The following ITFG2 variants were observed in gnomAD, a reference collection of about 807,000 sequenced individuals.
ITFG2 encodes the protein integrin alpha FG-GAP repeat containing 2.
Under a neutral mutation model 54.4 loss-of-function variants are expected in ITFG2, and 36 were observed. The observed-to-expected ratio is 0.66, with a 90% CI of 0.51 to 0.87. The LOEUF is 0.87. Ranked by LOEUF, ITFG2 falls within the 40% of genes least tolerant of loss-of-function variation. ITFG2 has a pLI of 0.00. For synonymous variants in ITFG2, 211 were observed against 225.4 expected (o/e 0.94, Z 0.57); for missense variants, 524 against 576.7 (o/e 0.91, Z 0.94).
At chr12:2,831,001 C>T (rs2097999932), downstream of ITFG2, 2 of 738,944 alleles carry the variant, frequency 2.7e-6, no homozygotes, top group Non-Finnish European at 2.1e-6. Flanking sequence ...ACCCTAGGGT[C>T]CCAGATAATG....
At position 2,824,524 on chromosome 12, in the gene ITFG2, G is replaced by A. The variant is rs2097957763; in HGVS notation, c.*331G>A. On this transcript the variant is annotated 3_prime_UTR_variant, in exon 12 of 12. Coordinates refer to ENST00000228799, the MANE Select transcript of ITFG2 (RefSeq NM_018463.4). ...CTGTGTTGAAAACAGAGACTTGTTT[G>A]TGTGGCCCCAACACCCATAAGGAAA... The A allele has an allele frequency of 1.4e-5, 5 of 368,364 alleles. No individual in the cohort carries two copies. Among genetic ancestry groups the A allele is most frequent in the Non-Finnish European group, 2.6e-5 (5 of 191,528 alleles). 22.8% of individuals were successfully genotyped at this position (368,364 alleles called of 1,614,324 possible). A position where few individuals can be genotyped will look rare whatever the true frequency, so the allele number is the denominator to read the frequency against.
Position 2,850,735 on chromosome 12 carries a change from C to T in ITFG2, n.301-7277C>T, listed in dbSNP as rs528130326. On this transcript the variant is annotated intron_variant and non_coding_transcript_variant, in intron 2 of 3. Transcript: ENST00000537710. ...TTGCCCAGGCCGGAGTGCAGTGGCA[C>T]GATCTTGGCTCACTGCAACCTCCAT... Among the ~76,000 whole-genome samples, 218 of 151,466 alleles carry T rather than the reference C, an allele frequency of 1.4e-3. 1 individual carries two copies. Among genetic ancestry groups the T allele is most frequent in the Admixed American group, 2.2e-3 (33 of 15,218 alleles).
intron 9 of ITFG2, 111 bp downstream of exon 9, chr12:2,821,903 T>G: frequency 2.6e-6 from 2 of 775,340 alleles, no homozygotes; most frequent in East Asian, 5.1e-5. Flanking sequence ...AACCTTTATC[T>G]TTAGTCTCTG....
intron 1 of ITFG2, 114 bp downstream of exon 1, chr12:2,812,970 A>C (rs1388205959): frequency 4.7e-6 from 4 of 849,756 alleles, no homozygotes; most frequent in East Asian, 2.5e-5. Context: ...CGCTGTGGCT[A>C]GTTTGGAGCG....
intron 2 of ITFG2, among the ~76,000 whole-genome samples, chr12:2,855,690 T>A (rs905974822): frequency 1.3e-5 from 2 of 152,184 alleles, no homozygotes; most frequent in African/African-American, 4.8e-5. Flanking sequence ...TATTTTGGCT[T>A]TGACTTCCCA....
At chr12:2,830,928 C>A (rs1603484299), downstream of ITFG2, 1 of 1,544,198 alleles carries the variant, frequency 6.5e-7, no homozygotes, top group Admixed American at 1.8e-5. Flanking sequence ...CTCAGTTACC[C>A]CACTTAGATA....
chr12:2,817,384 G>A, intron 2 of ITFG2, 66 bp downstream of exon 2: 2 of 1,156,920 alleles, frequency 1.7e-6, no homozygotes, highest in East Asian at 2.4e-5. Context: ...ACCACCTAGG[G>A]TGAGCCCCAC....
In ITFG2 at chr12:2,845,813, G is replaced by A; in HGVS notation, n.300+4818G>A. 6.6e-6 allele frequency among the ~76,000 whole-genome samples: 1 copy of A among 152,188 alleles called. No individual in the cohort carries two copies. The highest frequency in any genetic ancestry group is 1.5e-5 in the Non-Finnish European group (1 of 68,032). ...TCATTCGTGTGTGGGGATGGAGTAA[G>A]GAGGTTGCTCATGCTTGCCAGCCAA... On this transcript the variant is annotated intron_variant and non_coding_transcript_variant, in intron 2 of 3. Transcript: ENST00000537710. This position sits in a 1 kb window ranked among gnomAD's most constrained non-coding sequence, Gnocchi z 4.2.
intron 2 of ITFG2, 23 bp from the exon 3 acceptor site, chr12:2,817,886 G>A (rs2097927036): frequency 6.2e-7 from 1 of 1,611,656 alleles, no homozygotes; most frequent in Admixed American, 1.7e-5. Context: ...GCGTCTCCCT[G>A]AGCCTCCCTT....
At chr12:2,822,744 A>G in intron 9 of ITFG2, 50 bp from the exon 10 acceptor site, 2 of 1,496,290 alleles carry the variant, frequency 1.3e-6, no homozygotes, top group Non-Finnish European at 1.9e-6. Flanking sequence ...TGTCATCCAG[A>G]ATCCAGTCCA....
rs1203091908 is a variant in ITFG2 at position 2,821,298 on chromosome 12, G to C, written c.732G>C (p.Gln244His). 6.2e-7 allele frequency: 1 copy of C among 1,610,268 alleles called. No individual in the cohort carries two copies. Among genetic ancestry groups the C allele is most frequent in the East Asian group, 2.2e-5 (1 of 44,816 alleles). Residue 244 changes from glutamine (Q) to histidine (H), a missense_variant, in exon 7 of 12, where the codon CAG (glutamine) becomes CAC (histidine). Gln to His is a conservative substitution (Grantham distance 24). Coordinates refer to ENST00000228799, the MANE Select transcript of ITFG2 (RefSeq NM_018463.4). ...CTGCCCGAGACGTGGTGCTGCACCAGACATCTGGCCGTATCCACAACAAGA... is the reference window on the plus strand; with the variant it reads ...CTGCCCGAGACGTGGTGCTGCACCACACATCTGGCCGTATCCACAACAAGA... ...TPAARDVVLH[Q>H]TSGRIHNKNV... is the part of the protein sequence containing the mutation.
upstream of ITFG2, among the ~76,000 whole-genome samples, chr12:2,834,260 C>G (rs569748681): frequency 4.6e-5 from 7 of 152,122 alleles, no homozygotes; most frequent in Non-Finnish European, 1.0e-4. Flanking sequence ...ACCTGTGGTT[C>G]GGGGGAAGCA....
In ITFG2 at chr12:2,818,280, G is replaced by A. The variant is rs748443998; in HGVS notation, c.406+3G>A. The A allele has an allele frequency of 5.0e-5, 81 of 1,611,908 alleles. 1 individual carries two copies. The South Asian group carries it at 8.5e-4, about 17-fold the overall frequency. ...GGTCATGCTGATCAGCGACATCGGTGGGCATGCCTACCTTTGCAGGCAGCC... is the reference window on the plus strand; with the variant it reads ...GGTCATGCTGATCAGCGACATCGGTAGGCATGCCTACCTTTGCAGGCAGCC... On this transcript the variant is annotated splice_donor_region_variant and intron_variant, in intron 4 of 11. Coordinates refer to ENST00000228799, the MANE Select transcript of ITFG2 (RefSeq NM_018463.4).
chr12:2,847,923 CTTA>C (rs1210241001), intron 2 of ITFG2, among the ~76,000 whole-genome samples: 13 of 152,214 alleles, frequency 8.5e-5, no homozygotes, highest in Admixed American at 3.3e-4. Flanking sequence ...ATTCTATCTA[CTTA>C]TTATTTTTAT....
At chr12:2,826,986 G>T (rs745888789), downstream of ITFG2, 21 of 1,365,968 alleles carry the variant, frequency 1.5e-5, no homozygotes, top group South Asian at 3.1e-4. Context: ...TCCTGGCATC[G>T]TGGGCCCTCT....
intron 10 of ITFG2, among the ~76,000 whole-genome samples, chr12:2,823,512 C>G (rs2153924997): frequency 6.6e-6 from 1 of 152,312 alleles, no homozygotes; most frequent in African/African-American, 2.4e-5. Flanking sequence ...ATGGGAAAAG[C>G]AATAAATAGC....
chr12:2,827,340 G>A (rs762258695), downstream of ITFG2: 7 of 1,588,230 alleles, frequency 4.4e-6, no homozygotes, highest in Admixed American at 1.8e-5. The surrounding 1 kb of genome is among the most constrained non-coding windows in gnomAD (Gnocchi z 4.0). Flanking sequence ...ACCTCAGCCC[G>A]CCACCTGCCT....
chr12:2,829,300 G>C (rs1197545292), downstream of ITFG2, among the ~76,000 whole-genome samples: 1 of 152,074 alleles, frequency 6.6e-6, no homozygotes, highest in Non-Finnish European at 1.5e-5. Flanking sequence ...TTGGGACATA[G>C]ACATTTTGAT....
intron 2 of ITFG2, chr12:2,855,500 A>G: frequency 7.5e-7 from 1 of 1,338,026 alleles, no homozygotes; most frequent in Non-Finnish European, 9.7e-7. Flanking sequence ...GGGGTGCAGA[A>G]AGGTGGGTGA....
Sources: gnomAD v4.1 joint callset for allele counts (sites outside exome capture counted in the v4.1 genomes callset) on GRCh38, gnomAD v4.1.1 for gene constraint, Gnocchi (gnomAD v3.1) non-coding constraint, MANE v1.5 for transcripts, NCBI Gene and HGNC (gene_info 2026-07-23, HGNC 2026-07-21) for gene names.